Variants in GNPDA2 observed in about 807,000 individuals in gnomAD.
GNPDA2 encodes glucosamine-6-phosphate deaminase 2.
A neutral mutation model predicts 27.0 loss-of-function variants in GNPDA2; 24 were observed. That is an observed-to-expected ratio of 0.89 (90% CI 0.64 to 1.25). The LOEUF is 1.25. Ranked by LOEUF, GNPDA2 falls within the 50% of genes most tolerant of loss-of-function variation. The probability of loss-of-function intolerance (pLI) is 0.00; values close to 1 mark genes in which losing one functional copy is unlikely to be tolerated. For missense variants in GNPDA2, 286 were observed against 335.1 expected (o/e 0.85, Z 1.14); for synonymous variants, 94 against 108.4 (o/e 0.87, Z 0.83).
At chr4:44,719,958 C>T (rs893489622) in intron 2 of GNPDA2, among the ~76,000 whole-genome samples, 5 of 151,876 alleles carry the variant, frequency 3.3e-5, no homozygotes, top group Admixed American at 1.3e-4. Flanking sequence ...ATAACCATAA[C>T]ACAGGAAAAA....
At position 44,701,893 on chromosome 4, in the gene GNPDA2, A is replaced by C; in HGVS notation, c.*1188T>G. 9 of 979,066 alleles carry C rather than the reference A, an allele frequency of 9.2e-6. No homozygotes were observed. The highest frequency in any genetic ancestry group is 1.7e-5 in the African/African-American group (1 of 57,164). 60.6% of individuals were successfully genotyped at this position (979,066 alleles called of 1,614,324 possible). A position where few individuals can be genotyped will look rare whatever the true frequency, so the allele number is the denominator to read the frequency against. ...ATTTTATTTCATTAATTTATTTGCT[A>C]TTTTAATATTTTAAGAAACTACATT... On this transcript the variant is annotated 3_prime_UTR_variant, in exon 7 of 7. Coordinates refer to ENST00000295448, the MANE Select transcript of GNPDA2 (RefSeq NM_138335.3).
At chr4:44,710,275 GT>G (rs1430055110) in intron 5 of GNPDA2, among the ~76,000 whole-genome samples, 2 of 151,998 alleles carry the variant, frequency 1.3e-5, no homozygotes, top group African/African-American at 4.8e-5. Flanking sequence ...CTTGTCTATA[GT>G]TTTTTCCTCT....
chr4:44,707,800 C>A lies in GNPDA2; in HGVS notation c.721G>T (p.Glu241Ter). 6.2e-7 allele frequency: 1 copy of A among 1,613,398 alleles called. No homozygotes were observed. The highest frequency in any genetic ancestry group is 8.5e-7 in the Non-Finnish European group (1 of 1,179,630). ...ACTCTTAATTCTAAAGTAGCATCTT[C>A]ATCGCATACAAAAATAGTCCGGGGA... ...QHPRTIFVCD[E>*]DATLELRVKT... The change falls in exon 6 of 7, where the codon GAA (glutamate) becomes TAA (stop). Residue 241 changes from glutamate (E) to a stop codon, truncating the protein, a stop_gained. Transcript: ENST00000295448. LOFTEE classifies it high-confidence loss of function.
At chr4:44,724,147 C>G (rs924358791) in intron 1 of GNPDA2, among the ~76,000 whole-genome samples, 1 of 152,078 alleles carries the variant, frequency 6.6e-6, no homozygotes, top group South Asian at 2.1e-4. Context: ...GGTTAACTGG[C>G]TTTAGGTTAC....
At chr4:44,708,749 A>G (rs1265565213) in intron 5 of GNPDA2, among the ~76,000 whole-genome samples, 3 of 152,150 alleles carry the variant, frequency 2.0e-5, no homozygotes, top group Non-Finnish European at 2.9e-5. Context: ...CCTCATTACA[A>G]TTGTTTTAAA....
In GNPDA2 at chr4:44,705,475, A is replaced by G. The variant is rs960909064; in HGVS notation, c.769+2277T>C. 4 of 985,072 alleles carry G rather than the reference A, an allele frequency of 4.1e-6. No homozygotes were observed. In the African/African-American group the frequency reaches 5.2e-5, roughly 13 times the overall value. 61.0% of individuals were successfully genotyped at this position (985,072 alleles called of 1,614,324 possible). On this transcript the variant is annotated intron_variant, in intron 6 of 6. Coordinates refer to ENST00000295448, the MANE Select transcript of GNPDA2 (RefSeq NM_138335.3). Reference sequence around the variant, plus strand: ...TGTGTCCTCTTGATGCAGTGCAGCTATCCTCTCACGAATGGTCTGTTTCAA... The same window carrying G: ...TGTGTCCTCTTGATGCAGTGCAGCTGTCCTCTCACGAATGGTCTGTTTCAA...
At position 44,701,989 on chromosome 4, in the gene GNPDA2, A is replaced by C. The variant is rs1716294435; in HGVS notation, c.*1092T>G. 9.1e-6 allele frequency: 9 copies of C among 985,244 alleles called. No individual in the cohort carries two copies. The highest frequency in any genetic ancestry group is 9.6e-6 in the Non-Finnish European group (8 of 829,634). 61.0% of individuals were successfully genotyped at this position (985,244 alleles called of 1,614,324 possible). ...GGGCTTATGAAATGCAAAATAAGCA[A>C]AAGGAGCATTTTTTTGCTCCCCACA... On this transcript the variant is annotated 3_prime_UTR_variant, in exon 7 of 7. Coordinates refer to ENST00000295448, the MANE Select transcript of GNPDA2 (RefSeq NM_138335.3).
chr4:44,723,317 G>C (rs11724396), intron 1 of GNPDA2, among the ~76,000 whole-genome samples: 33,426 of 151,814 alleles, frequency 0.22, 3,846 homozygotes, highest in Middle Eastern at 0.36. Flanking sequence ...ATATTATTTA[G>C]TGACTAGGTC....
At chr4:44,726,120 C>T (rs1281117593) in intron 1 of GNPDA2, among the ~76,000 whole-genome samples, 1 of 152,160 alleles carries the variant, frequency 6.6e-6, no homozygotes, top group African/African-American at 2.4e-5. Flanking sequence ...TGCAGATTCC[C>T]CTCAGCTGCG....
At chr4:44,716,400 G>A (rs2109712508) in intron 4 of GNPDA2, among the ~76,000 whole-genome samples, 1 of 151,964 alleles carries the variant, frequency 6.6e-6, no homozygotes, top group Middle Eastern at 3.4e-3. Context: ...TTTTAGTTTA[G>A]TTGATGTTGA....
At chr4:44,709,951 T>G (rs1000721282) in intron 5 of GNPDA2, among the ~76,000 whole-genome samples, 1 of 152,126 alleles carries the variant, frequency 6.6e-6, no homozygotes, top group Admixed American at 6.6e-5. Context: ...CACTCCTGTC[T>G]GGGCAAAAAC....
chr4:44,713,782 A>C (rs1717114591), intron 4 of GNPDA2, among the ~76,000 whole-genome samples: 1 of 151,476 alleles, frequency 6.6e-6, no homozygotes, highest in Non-Finnish European at 1.5e-5. Flanking sequence ...CAGGAGGCTG[A>C]GGCAGGAGGA....
chr4:44,718,773 T>G (rs1201575848), intron 2 of GNPDA2, among the ~76,000 whole-genome samples: 1 of 151,964 alleles, frequency 6.6e-6, no homozygotes, highest in Non-Finnish European at 1.5e-5. Context: ...ACAAATGATA[T>G]GTAAATAGGT....
In GNPDA2 at chr4:44,718,346, AAAAG is replaced by A; in HGVS notation, c.185_188del (p.Ser62LeufsTer4). 7.3e-7 allele frequency: 1 copy of A among 1,366,966 alleles called. No individual in the cohort carries two copies. The highest frequency in any genetic ancestry group is 1.0e-6 in the Non-Finnish European group (1 of 991,424). The allele number at this position is 1,366,966 out of a possible 1,614,324, so 84.7% of individuals were successfully genotyped here. A position where few individuals can be genotyped will look rare whatever the true frequency, so the allele number is the denominator to read the frequency against. On this transcript the variant is annotated frameshift_variant, in exon 3 of 7. Transcript: ENST00000295448. LOFTEE classifies it high-confidence loss of function. Reference sequence around the variant, plus strand: ...CCATATTAAAGGTCTTCACATATTTAAAAGAAAGGTGTCCATTCTTATGATATTC... The same window carrying A: ...CCATATTAAAGGTCTTCACATATTTAAAAGGTGTCCATTCTTATGATATTC...
In GNPDA2 at chr4:44,707,783, T is replaced by C. The variant is rs112231081; in HGVS notation, c.738A>G (p.Glu246=). 8.1e-6 allele frequency: 13 copies of C among 1,613,298 alleles called. No homozygotes were observed. The Middle Eastern group carries it at 8.3e-4, about 102-fold the overall frequency. Reference sequence around the variant, plus strand: ...AGTATTTCACAGTTTTAACTCTTAATTCTAAAGTAGCATCTTCATCGCATA... The same window carrying C: ...AGTATTTCACAGTTTTAACTCTTAACTCTAAAGTAGCATCTTCATCGCATA... ...IFVCDEDATL[E]LRVKTVKYFK... The change falls in exon 6 of 7, where the codon GAA becomes GAG. Residue 246 remains glutamate (E), a synonymous_variant. Transcript: ENST00000295448.
At chr4:44,716,384 T>A (rs1416775094) in intron 4 of GNPDA2, among the ~76,000 whole-genome samples, 1 of 151,912 alleles carries the variant, frequency 6.6e-6, no homozygotes, top group Non-Finnish European at 1.5e-5. Context: ...TGGCAAAAAA[T>A]TTTGATTTTA....
rs896057864 is a variant in GNPDA2 at position 44,702,094 on chromosome 4, T to C, written c.*987A>G. On this transcript the variant is annotated 3_prime_UTR_variant, in exon 7 of 7. Transcript: ENST00000295448. The stretch of plus-strand genomic sequence containing the variant: ...AAAATGAATGCAGGTTCACATGTAC[T>C]ATAATTGTTGGGAGTCGAATGCATG... The C allele has an allele frequency of 2.0e-6, 2 of 983,304 alleles. No homozygotes were observed. Among genetic ancestry groups the C allele is most frequent in the African/African-American group, 3.5e-5 (2 of 57,184 alleles). The allele number at this position is 983,304 out of a possible 1,614,324, so 60.9% of individuals were successfully genotyped here.
At chr4:44,708,023 TGAGA>T (rs1485942583) in intron 5 of GNPDA2, 97 bp from the exon 6 acceptor site, 7 of 777,754 alleles carry the variant, frequency 9.0e-6, no homozygotes, top group Middle Eastern at 2.8e-4. Context: ...TATTTTTTTC[TGAGA>T]GAAAGAAAAA....
At chr4:44,710,213 A>G (rs1221078048) in intron 5 of GNPDA2, among the ~76,000 whole-genome samples, 2 of 152,126 alleles carry the variant, frequency 1.3e-5, no homozygotes, top group Non-Finnish European at 2.9e-5. Flanking sequence ...TTCTATTAGT[A>G]TGTTCAAGTT....
Sources: gnomAD v4.1 joint callset for allele counts (sites outside exome capture counted in the v4.1 genomes callset) on GRCh38, gnomAD v4.1.1 for gene constraint, MANE v1.5 for transcripts, NCBI Gene and HGNC (gene_info 2026-07-23, HGNC 2026-07-21) for gene names.